The following TNRC6B variants were observed in gnomAD, a reference collection of about 807,000 sequenced individuals.
TNRC6B encodes the protein trinucleotide repeat-containing gene 6B protein.
TNRC6B carries 52 observed loss-of-function variants against 203.6 expected under a neutral mutation model. That is an observed-to-expected ratio of 0.26 (90% confidence interval 0.20 to 0.32). The LOEUF (loss-of-function observed/expected upper bound fraction) is 0.32. Among genes scored for constraint, TNRC6B ranks in the 10% least tolerant of loss-of-function variants. TNRC6B has a pLI of 1.00. For missense variants in TNRC6B, 1,923 were observed against 2,286.2 expected, an observed-to-expected ratio of 0.84 and a Z score of 3.24; for synonymous variants, 838 against 845.7, an observed-to-expected ratio of 0.99 and a Z score of 0.16.
intron 1 of TNRC6B, among the ~76,000 whole-genome samples, chr22:40,099,847 C>G (rs1336444879): frequency 6.6e-6 from 1 of 151,262 alleles, no homozygotes; most frequent in African/African-American, 2.4e-5. Context: ...GCCTCTCGGG[C>G]TCACGCCATT....
chr22:40,207,425 A>AAG (rs2069496297), intron 1 of TNRC6B, among the ~76,000 whole-genome samples: 1 of 82,214 alleles, frequency 1.2e-5, no homozygotes, highest in Non-Finnish European at 2.1e-5. Flanking sequence ...AAAAATATAT[A>AAG]TATATATATA....
chr22:40,223,254 C>A (rs574534159), intron 1 of TNRC6B, among the ~76,000 whole-genome samples: 2 of 152,270 alleles, frequency 1.3e-5, no homozygotes, highest in Non-Finnish European at 2.9e-5. Flanking sequence ...AATTCTCCTG[C>A]CTCAGCCTGC....
At chr22:40,253,095 T>G (rs7410599) in intron 3 of TNRC6B, among the ~76,000 whole-genome samples, 30 of 144,628 alleles carry the variant, frequency 2.1e-4, no homozygotes, top group African/African-American at 8.6e-4. Flanking sequence ...CTTTTTTTTC[T>G]TTTTTTCTTT....
At chr22:40,139,623 T>G (rs1158205153) in intron 3 of TNRC6B, among the ~76,000 whole-genome samples, 3 of 152,246 alleles carry the variant, frequency 2.0e-5, no homozygotes, top group African/African-American at 7.2e-5. Flanking sequence ...CGAGCCACTG[T>G]GCCTGGCCTG....
intron 8 of TNRC6B, among the ~76,000 whole-genome samples, 193 bp downstream of exon 8, chr22:40,277,344 G>T (rs2070658091): frequency 6.6e-6 from 1 of 152,094 alleles, no homozygotes; most frequent in Non-Finnish European, 1.5e-5. Flanking sequence ...ACATTTAAAG[G>T]TTATGGCTTT....
intron 3 of TNRC6B, among the ~76,000 whole-genome samples, chr22:40,148,072 C>T (rs2068710601): frequency 6.6e-6 from 1 of 151,922 alleles, no homozygotes; most frequent in African/African-American, 2.4e-5. Flanking sequence ...TTTAAATGGC[C>T]AAAAGACTTG....
intron 1 of TNRC6B, among the ~76,000 whole-genome samples, chr22:40,085,857 T>TTGC (rs1161710083): frequency 6.6e-6 from 1 of 151,416 alleles, no homozygotes; most frequent in Non-Finnish European, 1.5e-5. Flanking sequence ...GCTGTTGTTG[T>TTGC]TGTTGTTGTT....
intron 1 of TNRC6B, among the ~76,000 whole-genome samples, chr22:40,229,071 TG>T (rs1569029786): frequency 6.6e-6 from 1 of 152,218 alleles, no homozygotes; most frequent in African/African-American, 2.4e-5. Context: ...TTAACAGCTT[TG>T]GTTCAATTGC....
chr22:40,057,292 G>GTTT lies in TNRC6B; in HGVS notation c.-121+12310_-121+12312dup, dbSNP rs398037161. Among the ~76,000 whole-genome samples the GTTT allele has an allele frequency of 3.1e-3, 406 of 129,976 alleles. 6 individuals are homozygous for GTTT. The highest frequency in any genetic ancestry group is 8.2e-3 in the Middle Eastern group (2 of 244). 85.3% of individuals were successfully genotyped at this position (129,976 alleles called of 152,430 possible). A position where few individuals can be genotyped will look rare whatever the true frequency, so the allele number is the denominator to read the frequency against. ...AATGTGTACATTGAAAATATGCCAG[G>GTTT]TTTTTTTTTTTTTTTTTTGAGACAG... On this transcript the variant is annotated intron_variant, in intron 1 of 23. Coordinates refer to the TNRC6B transcript ENST00000301923.
intron 5 of TNRC6B, among the ~76,000 whole-genome samples, chr22:40,269,289 C>T (rs929142404): frequency 7.9e-5 from 12 of 151,772 alleles, no homozygotes; most frequent in African/African-American, 2.2e-4. Flanking sequence ...TGCGTCGTCA[C>T]GCCCAGCTAA....
At chr22:40,167,855 G>A (rs1166565956) in intron 4 of TNRC6B, among the ~76,000 whole-genome samples, 1 of 152,046 alleles carries the variant, frequency 6.6e-6, no homozygotes, top group Admixed American at 6.6e-5. Flanking sequence ...GGGCAACAGA[G>A]CGAGACCTTG....
intron 1 of TNRC6B, among the ~76,000 whole-genome samples, chr22:40,058,997 T>C (rs781482133): frequency 2.0e-5 from 3 of 152,232 alleles, no homozygotes; most frequent in Non-Finnish European, 2.9e-5. Context: ...AACCTGTCCT[T>C]ACTGTGTGAA....
intron 1 of TNRC6B, among the ~76,000 whole-genome samples, chr22:40,178,522 G>T (rs981031326): frequency 1.3e-5 from 2 of 152,204 alleles, no homozygotes; most frequent in Non-Finnish European, 2.9e-5. Context: ...ATATAAATGG[G>T]TTTGCATTCT....
intron 12 of TNRC6B, among the ~76,000 whole-genome samples, chr22:40,289,123 AT>A (rs1217206558): frequency 6.6e-6 from 1 of 151,854 alleles, no homozygotes; most frequent in Non-Finnish European, 1.5e-5. Flanking sequence ...CCTACAAAAA[AT>A]TTTTTTTAAT....
chr22:40,104,207 C>T (rs2146307436), intron 1 of TNRC6B, among the ~76,000 whole-genome samples: 1 of 152,154 alleles, frequency 6.6e-6, no homozygotes, highest in Non-Finnish European at 1.5e-5. Context: ...GCGGAGATCA[C>T]ACCATTGCAT....
In TNRC6B at chr22:40,151,335, G is replaced by A. The variant is rs191340647; in HGVS notation, c.46-4780G>A. ...TCCCAGCTCTTTGGGAGGCTGAGGCGGGCAGATCACTTGAGGTCAGGAGTT... is the reference window on the plus strand; with the variant it reads ...TCCCAGCTCTTTGGGAGGCTGAGGCAGGCAGATCACTTGAGGTCAGGAGTT... On this transcript the variant is annotated intron_variant, in intron 3 of 23. Transcript: ENST00000301923. 4.6e-3 allele frequency among the ~76,000 whole-genome samples: 693 copies of A among 151,604 alleles called. 4 individuals carry two copies. The highest frequency in any genetic ancestry group is 6.9e-3 in the Non-Finnish European group (470 of 67,884).
intron 12 of TNRC6B, among the ~76,000 whole-genome samples, chr22:40,288,487 T>A (rs2070818921): frequency 6.6e-6 from 1 of 152,100 alleles, no homozygotes; most frequent in Non-Finnish European, 1.5e-5. Context: ...GGCAGATTGC[T>A]TCAGCCCAGG....
At chr22:40,157,849 T>C (rs1418728825) in intron 4 of TNRC6B, among the ~76,000 whole-genome samples, 3 of 152,196 alleles carry the variant, frequency 2.0e-5, no homozygotes, top group Non-Finnish European at 4.4e-5. Context: ...TTTCCACTCA[T>C]TACACCATTT....
At position 40,321,077 on chromosome 22, in the gene TNRC6B, C is replaced by G; in HGVS notation, c.4975-13C>G. 1 of 1,613,674 alleles carries G rather than the reference C, an allele frequency of 6.2e-7. No individual in the cohort carries two copies. On this transcript the variant is annotated splice_polypyrimidine_tract_variant and intron_variant, in intron 21 of 22. Transcript: ENST00000454349. ...CCTCCAGTCTTTATCTCATGAATGT[C>G]ATTACTCCTTAGATTGATGGGTCAA...
Sources: gnomAD v4.1 joint callset for allele counts (sites outside exome capture counted in the v4.1 genomes callset) on GRCh38, gnomAD v4.1.1 for gene constraint, MANE v1.5 for transcripts, NCBI Gene and HGNC (gene_info 2026-07-23, HGNC 2026-07-21) for gene names.